MGA: variants seen among roughly 807,000 people sequenced by gnomAD.
MGA encodes the protein MAX gene-associated protein.
Under a neutral mutation model 261.1 loss-of-function variants are expected in MGA, and 40 were observed. The ratio of observed to expected loss-of-function variants is 0.15; its 90% CI spans 0.12 to 0.20. The LOEUF (loss-of-function observed/expected upper bound fraction) is 0.20. MGA is among the 10% of genes least tolerant of loss of function. The pLI, the probability that MGA is intolerant of heterozygous loss-of-function variation, is 1.00. For missense variants in MGA, 3,397 were observed against 3,630.5 expected (o/e 0.94, Z 1.65); for synonymous variants, 1,302 against 1,290.6 (o/e 1.01, Z -0.19).
chr15:41,684,989 G>A (rs1202582525), intron 2 of MGA, among the ~76,000 whole-genome samples: 1 of 152,090 alleles, frequency 6.6e-6, no homozygotes, highest in Non-Finnish European at 1.5e-5. Flanking sequence ...AATGTGGGTG[G>A]CTTTTATATT....
At chr15:41,699,480 G>A (rs1352421203) in intron 5 of MGA, among the ~76,000 whole-genome samples, 1 of 139,332 alleles carries the variant, frequency 7.2e-6, no homozygotes, top group Non-Finnish European at 1.6e-5. Flanking sequence ...TCTTAATTTG[G>A]TTGCTTTTGT....
chr15:41,680,441 A>G (rs1034431955), intron 2 of MGA, among the ~76,000 whole-genome samples: 1 of 152,184 alleles, frequency 6.6e-6, no homozygotes, highest in Non-Finnish European at 1.5e-5. Context: ...TGGTCTCCAT[A>G]GGTTGAAATG....
rs61736074 is a variant in MGA, at chr15:41,696,893, C to A, written c.1883C>A (p.Pro628Gln). 0.017 allele frequency: 27,759 copies of A among 1,597,638 alleles called. 299 individuals are homozygous for A. Among genetic ancestry groups the A allele is most frequent in the Non-Finnish European group, 0.02 (23,511 of 1,171,694 alleles). The stretch of plus-strand genomic sequence containing the variant: ...TTGAAACTCTGTAAGGCAGGACGAC[C>A]ACCTAAGAACACAGGAAAGTCTTTA... The change falls in exon 3 of 24, where the codon CCA becomes CAA. Residue 628 changes from proline to glutamine, a missense_variant. Around this residue, in one of 9 missense-constraint regions of MGA, gnomAD observed 563 missense variants for 563.6 expected, o/e 1.00. Transcript: ENST00000219905.
chr15:41,718,556 G>A (rs1018607521), intron 9 of MGA: 33 of 421,378 alleles, frequency 7.8e-5, no homozygotes, highest in East Asian at 1.7e-4. Context: ...CACCTTCCTG[G>A]TGTCTGGGCT....
chr15:41,638,184 A>ATT lies in MGA; in HGVS notation c.-68+16886_-68+16887insTT, dbSNP rs2056748157. 2.7e-5 allele frequency among the ~76,000 whole-genome samples: 4 copies of ATT among 150,396 alleles called. No individual in the cohort carries two copies. In the South Asian group the frequency reaches 8.5e-4, roughly 32 times the overall value. ...CAGTCTCCTGAATAGCTGGAACTATAGGTGTGCGCTGCCATGCCCGGCTAA... is the reference window on the plus strand; with the variant it reads ...CAGTCTCCTGAATAGCTGGAACTATATTGGTGTGCGCTGCCATGCCCGGCTAA... On this transcript the variant is annotated intron_variant, in intron 1 of 8. Coordinates refer to the MGA transcript ENST00000566718.
chr15:41,644,078 A>G (rs575239158), intron 1 of MGA, among the ~76,000 whole-genome samples: 4 of 152,226 alleles, frequency 2.6e-5, no homozygotes, highest in Non-Finnish European at 4.4e-5. Context: ...ATTCTTTTGT[A>G]TGTGTATCCA....
intron 1 of MGA, among the ~76,000 whole-genome samples, chr15:41,623,282 C>T (rs1566917602): frequency 6.6e-6 from 1 of 152,100 alleles, no homozygotes; most frequent in Non-Finnish European, 1.5e-5. Context: ...CTATGATAAT[C>T]AAAATATAAG....
chr15:41,636,459 A>ATT (rs1017999541), intron 1 of MGA, among the ~76,000 whole-genome samples: 10 of 87,424 alleles, frequency 1.1e-4, no homozygotes, highest in South Asian at 3.4e-4. Context: ...TGCTTGGCTA[A>ATT]TTTTTTTTTT....
intron 1 of MGA, among the ~76,000 whole-genome samples, chr15:41,663,295 A>G (rs1245343221): frequency 2.0e-5 from 3 of 151,978 alleles, no homozygotes; most frequent in Admixed American, 6.5e-5. Context: ...TATTGTAGCT[A>G]TTTTATCTAG....
Position 41,750,468 on chromosome 15 carries a change from G to A in MGA, c.6861G>A (p.Lys2287=), listed in dbSNP as rs774168459. 1 of 1,613,884 alleles carries A rather than the reference G, an allele frequency of 6.2e-7. No individual in the cohort carries two copies. The highest frequency in any genetic ancestry group is 8.5e-7 in the Non-Finnish European group (1 of 1,179,894). Residue 2287 remains lysine, a synonymous_variant, in exon 17 of 24, where the codon AAG becomes AAA. Transcript: ENST00000219905. The stretch of plus-strand genomic sequence containing the variant: ...AACAGATACAACCAAAGCAAGAGAA[G>A]AAGGGTGGGAGAAGCAGTGCTGACT...
At position 41,743,132 on chromosome 15, in the gene MGA, C is replaced by G; in HGVS notation, c.5172C>G (p.Leu1724=). Residue 1724 remains leucine, a synonymous_variant, in exon 15 of 24, where the codon CTC becomes CTG. Coordinates refer to ENST00000219905, the MANE Select transcript of MGA (RefSeq NM_001164273.2). The stretch of plus-strand genomic sequence containing the variant: ...CTCTGGGCTCTGTTCCTATTATACT[C>G]TCAGGAATTAATGGGAGTCCACCAG... 2 of 1,612,808 alleles carry G rather than the reference C, an allele frequency of 1.2e-6. No homozygotes were observed. The highest frequency in any genetic ancestry group is 1.7e-6 in the Non-Finnish European group (2 of 1,179,298).
chr15:41,701,779 G>A lies in MGA; in HGVS notation c.2188+2620G>A, dbSNP rs572654020. 3.1e-4 allele frequency among the ~76,000 whole-genome samples: 47 copies of A among 152,252 alleles called. 1 individual carries two copies. The highest frequency in any genetic ancestry group is 1.0e-3 in the African/African-American group (43 of 41,544). ...CTTTAAAAACACAGCCAAACAAAAG[G>A]TGTCTGAGCTATTACTTTTCACCTT... is the stretch of plus-strand genomic sequence containing the variant. On this transcript the variant is annotated intron_variant, in intron 5 of 23. Coordinates refer to ENST00000219905, the MANE Select transcript of MGA (RefSeq NM_001164273.2).
At chr15:41,762,466 T>TTG (rs2063529496) in intron 22 of MGA, 104 bp downstream of exon 22, 1 of 414,604 alleles carries the variant, frequency 2.4e-6, no homozygotes, top group East Asian at 4.4e-5. Flanking sequence ...GTGTGGTTTT[T>TTG]TTTTTTTTTT....
chr15:41,696,362 C>T lies in MGA; in HGVS notation c.1352C>T (p.Ser451Leu). 6.2e-7 allele frequency: 1 copy of T among 1,613,950 alleles called. No homozygotes were observed. The highest frequency in any genetic ancestry group is 8.5e-7 in the Non-Finnish European group (1 of 1,179,898). ...TCTAAATGGCTTCCAAGCAGCCCAT[C>T]AGGTGTTGCTAAAGCTAAAATGTTC... The change falls in exon 3 of 24, where the codon TCA becomes TTA. Residue 451 changes from serine to leucine, a missense_variant. Physicochemically the swap from Ser to Leu is moderately radical, Grantham distance 145 (BLOSUM62 -2). Around this residue, in one of 9 missense-constraint regions of MGA, gnomAD observed 563 missense variants for 563.6 expected, o/e 1.00. Transcript: ENST00000219905.
chr15:41,704,792 A>G (rs2060024856), intron 5 of MGA, among the ~76,000 whole-genome samples: 1 of 152,200 alleles, frequency 6.6e-6, no homozygotes, highest in South Asian at 2.1e-4. Flanking sequence ...TTTGTATTTC[A>G]GTGGTTTTAG....
intron 14 of MGA, among the ~76,000 whole-genome samples, chr15:41,740,765 A>G (rs1010391884): frequency 4.6e-5 from 7 of 152,196 alleles, no homozygotes; most frequent in African/African-American, 1.7e-4. Context: ...TATAGGCTTA[A>G]AGTGGAAAGC....
At chr15:41,700,663 A>T (rs2059802304) in intron 5 of MGA, among the ~76,000 whole-genome samples, 1 of 152,040 alleles carries the variant, frequency 6.6e-6, no homozygotes, top group African/African-American at 2.4e-5. Context: ...CTTAATCTTT[A>T]AAAAAACATA....
chr15:41,662,483 C>G (rs1041466358), intron 1 of MGA, among the ~76,000 whole-genome samples: 6 of 152,140 alleles, frequency 3.9e-5, no homozygotes, highest in African/African-American at 1.4e-4. Flanking sequence ...GACATTTGCC[C>G]TATAAGGTTG....
rs140791687 is a variant in MGA, at chr15:41,674,987, C to T, written c.1064+5029C>T. On this transcript the variant is annotated intron_variant, in intron 2 of 23. Coordinates refer to ENST00000219905, the MANE Select transcript of MGA (RefSeq NM_001164273.2). ...CATTAGCTATGATAGTCATTCAAAT[C>T]GGAAACCTCTGCATTGTTTTTGCCT... Among the ~76,000 whole-genome samples the T allele has an allele frequency of 3.3e-4, 51 of 152,282 alleles. 1 individual carries two copies. Among genetic ancestry groups the T allele is most frequent in the African/African-American group, 1.2e-3 (49 of 41,554 alleles).
Sources: allele counts gnomAD v4.1 joint callset (sites outside exome capture counted in the v4.1 genomes callset), GRCh38; gene constraint gnomAD v4.1.1; regional missense constraint gnomAD v4.1.1; transcripts MANE v1.5; gene names NCBI Gene and HGNC (gene_info 2026-07-23, HGNC 2026-07-21).